SNX13: variants seen among roughly 807,000 people sequenced by gnomAD.
SNX13 encodes sorting nexin-13.
In SNX13, 45 loss-of-function variants were observed where a neutral mutation model predicts 133.6. The observed-to-expected ratio is 0.34, with a 90% CI of 0.27 to 0.43. The LOEUF (loss-of-function observed/expected upper bound fraction) is 0.43. Ranked by LOEUF, SNX13 falls within the 20% of genes least tolerant of loss-of-function variation. SNX13 has a pLI of 1.00. For missense variants in SNX13, 1,032 were observed against 1,145.1 expected (o/e 0.90, Z 1.43); for synonymous variants, 414 against 373.9 (o/e 1.11, Z -1.24).
intron 1 of SNX13, among the ~76,000 whole-genome samples, chr7:17,932,403 A>G (rs12699919): frequency 0.55 from 83,696 of 152,076 alleles, 24,491 homozygotes; most frequent in Non-Finnish European, 0.65. Context: ...TAAAATGTCT[A>G]ATGAACAGAT....
chr7:17,874,155 C>T (rs949940446), intron 7 of SNX13, among the ~76,000 whole-genome samples: 20 of 152,038 alleles, frequency 1.3e-4, no homozygotes, highest in Admixed American at 1.3e-3. Context: ...TAAATTGACC[C>T]TTGAACAAAG....
At chr7:17,900,880 G>GT (rs1562494538) in intron 1 of SNX13, among the ~76,000 whole-genome samples, 1 of 151,994 alleles carries the variant, frequency 6.6e-6, no homozygotes, top group Non-Finnish European at 1.5e-5. Flanking sequence ...AACAGAAGAA[G>GT]TCCCCCCGCA....
chr7:17,886,609 T>C (rs1796022233), intron 5 of SNX13, among the ~76,000 whole-genome samples: 1 of 151,828 alleles, frequency 6.6e-6, no homozygotes, highest in Non-Finnish European at 1.5e-5. Flanking sequence ...AAGAATATAT[T>C]ATGTACTTTC....
intron 1 of SNX13, among the ~76,000 whole-genome samples, chr7:17,924,924 C>G (rs1026078404): frequency 6.6e-6 from 1 of 152,112 alleles, no homozygotes; most frequent in Non-Finnish European, 1.5e-5. Context: ...ACAGGCAAAA[C>G]CGGCCTGGCA....
intron 20 of SNX13, among the ~76,000 whole-genome samples, chr7:17,811,155 A>T (rs1002197321): frequency 1.3e-5 from 2 of 152,230 alleles, no homozygotes; most frequent in Non-Finnish European, 2.9e-5. Flanking sequence ...TGGCCTGGAC[A>T]ATCGGGCAAG....
At chr7:17,868,948 T>C (rs1346291013) in intron 8 of SNX13, among the ~76,000 whole-genome samples, 1 of 152,136 alleles carries the variant, frequency 6.6e-6, no homozygotes, top group Non-Finnish European at 1.5e-5. Flanking sequence ...GGTTGGTACA[T>C]AAATGTCTAC....
chr7:17,823,493 C>A (rs1787536971), intron 17 of SNX13, among the ~76,000 whole-genome samples: 1 of 152,162 alleles, frequency 6.6e-6, no homozygotes, highest in Non-Finnish European at 1.5e-5. Flanking sequence ...AGTAGTTGGA[C>A]AGAAGCTCTT....
intron 1 of SNX13, among the ~76,000 whole-genome samples, chr7:17,917,729 A>C (rs1799712788): frequency 6.6e-6 from 1 of 152,180 alleles, no homozygotes; most frequent in Non-Finnish European, 1.5e-5. Context: ...TGCCCAAAGC[A>C]ATCTACAGAT....
At chr7:17,878,570 G>A (rs1183561502) in intron 5 of SNX13, among the ~76,000 whole-genome samples, 1 of 152,102 alleles carries the variant, frequency 6.6e-6, no homozygotes, top group Non-Finnish European at 1.5e-5. Flanking sequence ...TGTCTCTAAT[G>A]CCACCATCGT....
chr7:17,815,030 A>C, intron 19 of SNX13, 86 bp from the exon 20 acceptor site: 1 of 1,272,850 alleles, frequency 7.9e-7, no homozygotes, highest in South Asian at 2.2e-5. Flanking sequence ...TTAGCTCATA[A>C]ATTTTAAGAA....
intron 1 of SNX13, chr7:17,899,193 G>A (rs969121777): frequency 6.6e-6 from 1 of 152,162 alleles, no homozygotes; most frequent in African/African-American, 2.4e-5. Context: ...ATGTACTGGA[G>A]CACCATTCCA....
intron 1 of SNX13, chr7:17,907,347 T>G (rs990079428): frequency 6.6e-6 from 1 of 152,194 alleles, no homozygotes; most frequent in Admixed American, 6.5e-5. Flanking sequence ...CATCCTAGTA[T>G]GCAACAGAAA....
chr7:17,796,787 G>T, intron 25 of SNX13, 40 bp downstream of exon 25: 2 of 1,440,272 alleles, frequency 1.4e-6, no homozygotes, highest in South Asian at 1.1e-5. Context: ...TCAGAAGAAT[G>T]ACAAATTATA....
chr7:17,798,146 G>A (rs1301982599), intron 24 of SNX13, among the ~76,000 whole-genome samples: 2 of 151,764 alleles, frequency 1.3e-5, no homozygotes, highest in African/African-American at 4.8e-5. Flanking sequence ...CTTTCCTCAA[G>A]GGACTGCATC....
chr7:17,924,311 A>G (rs1216003824), intron 1 of SNX13, among the ~76,000 whole-genome samples: 1 of 152,244 alleles, frequency 6.6e-6, no homozygotes, highest in Non-Finnish European at 1.5e-5. Flanking sequence ...CAATTTAAAA[A>G]TGGGCACAAG....
chr7:17,817,851 A>G (rs973714000), intron 18 of SNX13, among the ~76,000 whole-genome samples: 5 of 152,174 alleles, frequency 3.3e-5, no homozygotes, highest in Admixed American at 2.0e-4. Flanking sequence ...TAGAAAACAC[A>G]TATTTTTCCT....
chr7:17,839,853 A>G lies in SNX13; in HGVS notation c.1313T>C (p.Leu438Ser). ...KHQTNQTKGL[L>S]RAAAVGIYEQ... ...ATAAATTCCAACAGCAGCTGCTCTT[A>G]AAAGACCTTTGGTTTGGTTGGTTTG... The change falls in exon 13 of 26, where the codon TTA (leucine) becomes TCA (serine). Residue 438 changes from leucine to serine, a missense_variant. Physicochemically the swap from Leu to Ser is moderately radical, Grantham distance 145 (BLOSUM62 -2). Coordinates refer to ENST00000428135, the MANE Select transcript of SNX13 (RefSeq NM_015132.5). 1 of 1,611,356 alleles carries G rather than the reference A, an allele frequency of 6.2e-7. No individual in the cohort carries two copies. Among genetic ancestry groups the G allele is most frequent in the Middle Eastern group, 1.7e-4 (1 of 6,034 alleles).
intron 9 of SNX13, 148 bp from the exon 10 acceptor site, chr7:17,851,112 T>C: frequency 1.4e-6 from 1 of 710,282 alleles, no homozygotes; most frequent in Non-Finnish European, 2.3e-6. Context: ...TTTGGGCACC[T>C]ATTTTCCAAT....
chr7:17,916,591 C>G (rs890216212), intron 1 of SNX13, among the ~76,000 whole-genome samples: 23 of 151,492 alleles, frequency 1.5e-4, no homozygotes, highest in African/African-American at 5.6e-4. Context: ...CACAAACTCC[C>G]AAAATTGAAC....
Sources: allele counts gnomAD v4.1 joint callset (sites outside exome capture counted in the v4.1 genomes callset), GRCh38; gene constraint gnomAD v4.1.1; transcripts MANE v1.5; gene names NCBI Gene and HGNC (gene_info 2026-07-23, HGNC 2026-07-21).